LETM2: variants seen among roughly 807,000 people sequenced by gnomAD.
LETM2 encodes the protein LETM1 domain-containing protein LETM2, mitochondrial.
In LETM2, 58 loss-of-function variants were observed where a neutral mutation model predicts 59.6. The observed-to-expected ratio is 0.97, with a 90% CI of 0.79 to 1.21. The LOEUF is 1.21. Ranked by LOEUF, LETM2 falls within the 50% of genes most tolerant of loss-of-function variation. The pLI, the probability that LETM2 is intolerant of heterozygous loss-of-function variation, is 0.00. For synonymous variants in LETM2, 199 were observed against 214.1 expected (o/e 0.93, Z 0.62); for missense variants, 572 against 575.7 (o/e 0.99, Z 0.07).
chr8:38,400,532 C>A, intron 5 of LETM2, 123 bp downstream of exon 5: 1 of 915,454 alleles, frequency 1.1e-6, no homozygotes, highest in Non-Finnish European at 1.6e-6. Flanking sequence ...AAATTATGAA[C>A]ATATAATATT....
rs1269381474 is a variant in LETM2, at chr8:38,397,117, G to C, written c.645+2876G>C. Reference sequence around the variant, plus strand: ...CCGTTCTGTGCCACTCTACTAGACAGCGTTGACAGCATATGGTAAGAAAGT... The same window carrying C: ...CCGTTCTGTGCCACTCTACTAGACACCGTTGACAGCATATGGTAAGAAAGT... On this transcript the variant is annotated intron_variant, in intron 4 of 10. Coordinates refer to ENST00000379957, the MANE Select transcript of LETM2 (RefSeq NM_001286819.2). 9 of 456,046 alleles carry C rather than the reference G, an allele frequency of 2.0e-5. No homozygotes were observed. The East Asian group carries it at 3.5e-4, about 18-fold the overall frequency. 28.2% of individuals were successfully genotyped at this position (456,046 alleles called of 1,614,324 possible).
chr8:38,391,040 A>G (rs1372606196), intron 2 of LETM2, among the ~76,000 whole-genome samples: 1 of 151,626 alleles, frequency 6.6e-6, no homozygotes, highest in Non-Finnish European at 1.5e-5. Context: ...AATAATGAAT[A>G]TTGCATATGC....
chr8:38,402,502 T>G (rs1813313251), intron 6 of LETM2, 23 bp from the exon 7 acceptor site: 1 of 1,612,550 alleles, frequency 6.2e-7, no homozygotes, highest in African/African-American at 1.3e-5. Context: ...AAGTTCCAAC[T>G]CCATCCCTTA....
At chr8:38,402,424 C>G (rs1361191290) in intron 6 of LETM2, 101 bp from the exon 7 acceptor site, 3 of 1,359,152 alleles carry the variant, frequency 2.2e-6, no homozygotes. Flanking sequence ...GGGGACAAAG[C>G]ATCCAAGCCT....
intron 2 of LETM2, among the ~76,000 whole-genome samples, 164 bp downstream of exon 2, chr8:38,388,194 C>T (rs1419987558): frequency 1.3e-5 from 2 of 151,948 alleles, no homozygotes; most frequent in East Asian, 3.9e-4. Context: ...TACTCTCCTC[C>T]CTCAGCCTCC....
Position 38,394,230 on chromosome 8 carries a change from G to T in LETM2, c.634G>T (p.Glu212Ter). The part of the protein sequence containing the change: ...PEMLPSTFES[E>*]SKKEEKQKKK... ...GATGTTGCCATCAACTTTTGAAAGT[G>T]AATCCAAAAAGGTATGATTTTTTAA... The change falls in exon 4 of 11, where the codon GAA (glutamate) becomes TAA (stop). Residue 212 changes from glutamate to a stop codon, truncating the protein, a stop_gained. Coordinates refer to ENST00000379957, the MANE Select transcript of LETM2 (RefSeq NM_001286819.2). LOFTEE classifies it high-confidence loss of function. The T allele has an allele frequency of 4.1e-6, 6 of 1,474,564 alleles. No homozygotes were observed. The highest frequency in any genetic ancestry group is 5.4e-6 in the Non-Finnish European group (6 of 1,120,002). 91.3% of individuals were successfully genotyped at this position (1,474,564 alleles called of 1,614,324 possible). A position where few individuals can be genotyped will look rare whatever the true frequency, so the allele number is the denominator to read the frequency against.
chr8:38,396,016 T>C, intron 4 of LETM2, among the ~76,000 whole-genome samples: 1 of 152,222 alleles, frequency 6.6e-6, no homozygotes, highest in East Asian at 1.9e-4. Context: ...TTATCAATTT[T>C]TTCTTTCATG....
rs374136935 is a variant in LETM2, at chr8:38,404,517, G to C, written c.1218+11G>C. ...CCACTCAGTGGGGAGGTGAGTACCT[G>C]GGTTAATGGGGACCCTCGACGTCCA... On this transcript the variant is annotated intron_variant, in intron 8 of 10. Transcript: ENST00000379957. 3.9e-5 allele frequency: 60 copies of C among 1,552,168 alleles called. No homozygotes were observed. The highest frequency in any genetic ancestry group is 5.0e-5 in the Non-Finnish European group (56 of 1,123,570).
chr8:38,404,371 T>A (rs377128689), intron 7 of LETM2, 22 bp from the exon 8 acceptor site: 17 of 1,499,786 alleles, frequency 1.1e-5, no homozygotes, highest in Non-Finnish European at 1.5e-5. Flanking sequence ...TTCTCACGTG[T>A]TGTTCCCCTC....
At chr8:38,395,379 T>G (rs1812606790) in intron 4 of LETM2, among the ~76,000 whole-genome samples, 1 of 152,250 alleles carries the variant, frequency 6.6e-6, no homozygotes, top group South Asian at 2.1e-4. Flanking sequence ...TTGTCAGTGC[T>G]CTAGACATTA....
chr8:38,397,239 C>T lies in LETM2; in HGVS notation c.645+2998C>T, dbSNP rs939752056. 6.8e-6 allele frequency: 3 copies of T among 439,550 alleles called. No homozygotes were observed. The East Asian group carries it at 2.1e-4, about 31-fold the overall frequency. The allele number at this position is 439,550 out of a possible 1,614,324, so 27.2% of individuals were successfully genotyped here. On this transcript the variant is annotated intron_variant, in intron 4 of 10. Transcript: ENST00000379957. ...TCACCCGGGCTGGAGTGCAGTGGCA[C>T]AATCTTGGCTCACTGCAACCTCCGC...
At chr8:38,406,788 A>G in intron 8 of LETM2, 158 bp from the exon 9 acceptor site, 3 of 533,106 alleles carry the variant, frequency 5.6e-6, no homozygotes, top group Non-Finnish European at 1.0e-5. Flanking sequence ...CATCAGGGGC[A>G]TATTTCATAG....
intron 4 of LETM2, 60 bp from the exon 5 acceptor site, chr8:38,400,212 C>T (rs551096889): frequency 6.6e-6 from 9 of 1,371,762 alleles, no homozygotes; most frequent in Admixed American, 2.0e-5. Flanking sequence ...TTTCTCCCAT[C>T]TTTATCTACC....
chr8:38,385,868 T>C (rs560627015), upstream of LETM2, among the ~76,000 whole-genome samples: 3 of 152,372 alleles, frequency 2.0e-5, no homozygotes, highest in East Asian at 1.9e-4. Context: ...TCACAGCTAC[T>C]ATAACATACA....
intron 4 of LETM2, among the ~76,000 whole-genome samples, chr8:38,399,388 A>G (rs1382227537): frequency 1.3e-5 from 2 of 152,102 alleles, no homozygotes; most frequent in Non-Finnish European, 2.9e-5. Context: ...GGTAGAGTCC[A>G]TTTCCTAGTT....
In LETM2 at chr8:38,397,687, G is replaced by C. The variant is rs553369166; in HGVS notation, c.646-2585G>C. Among the ~76,000 whole-genome samples the C allele has an allele frequency of 4.0e-4, 61 of 152,268 alleles. 1 individual carries two copies. Among genetic ancestry groups the C allele is most frequent in the African/African-American group, 1.4e-3 (58 of 41,544 alleles). On this transcript the variant is annotated intron_variant, in intron 4 of 10. Transcript: ENST00000379957. ...TAATGGAAAGGGAACGTTTGAAGCA[G>C]GGTAGCTGGGTGGATGACATGATTA...
chr8:38,402,340 A>C (rs1813298762), intron 6 of LETM2, among the ~76,000 whole-genome samples, 185 bp from the exon 7 acceptor site: 1 of 152,194 alleles, frequency 6.6e-6, no homozygotes, highest in African/African-American at 2.4e-5. Flanking sequence ...GCTAATTGCT[A>C]ATACCTGTTG....
At chr8:38,405,562 A>C (rs1215381992) in intron 8 of LETM2, among the ~76,000 whole-genome samples, 1 of 152,186 alleles carries the variant, frequency 6.6e-6, no homozygotes, top group East Asian at 1.9e-4. Flanking sequence ...TTCAGGAAAC[A>C]CCATCTTGCT....
Position 38,400,794 on chromosome 8 carries a change from G to T in LETM2, c.784-59G>T, listed in dbSNP as rs927729771. 2.7e-6 allele frequency: 4 copies of T among 1,457,334 alleles called. No individual in the cohort carries two copies. The African/African-American group carries it at 4.2e-5, about 15-fold the overall frequency. 90.3% of individuals were successfully genotyped at this position (1,457,334 alleles called of 1,614,324 possible). On this transcript the variant is annotated intron_variant, in intron 5 of 10. Transcript: ENST00000379957. ...TGATGTCTCTTTCAAATAGCCTATTGGGAAAGTTAAATTAAGTAGAAAACA... is the reference window on the plus strand; with the variant it reads ...TGATGTCTCTTTCAAATAGCCTATTTGGAAAGTTAAATTAAGTAGAAAACA...
Sources: gnomAD v4.1 joint callset for allele counts (sites outside exome capture counted in the v4.1 genomes callset) on GRCh38, gnomAD v4.1.1 for gene constraint, MANE v1.5 for transcripts, NCBI Gene and HGNC (gene_info 2026-07-23, HGNC 2026-07-21) for gene names.